Variants in KCNN3 observed in about 807,000 individuals in gnomAD.
The protein encoded by KCNN3 is potassium calcium-activated channel subfamily N member 3.
Under a neutral mutation model 62.9 loss-of-function variants are expected in KCNN3, and 16 were observed. The observed-to-expected ratio is 0.25, with a 90% CI of 0.17 to 0.39. KCNN3 has a LOEUF of 0.39. KCNN3 is among the 10% of genes least tolerant of loss of function. The pLI, the probability that KCNN3 is intolerant of heterozygous loss-of-function variation, is 1.00. For synonymous variants in KCNN3, 370 were observed against 389.2 expected, an observed-to-expected ratio of 0.95 and a Z score of 0.58; for missense variants, 599 against 949.4, an observed-to-expected ratio of 0.63 and a Z score of 4.85.
chr1:154,788,600 C>T (rs1426327427), intron 2 of KCNN3, among the ~76,000 whole-genome samples: 1 of 152,076 alleles, frequency 6.6e-6, no homozygotes, highest in Non-Finnish European at 1.5e-5. Flanking sequence ...TGAAGATTAC[C>T]ATAGTCTTCC....
At chr1:154,857,103 C>G (rs992872121) in intron 1 of KCNN3, among the ~76,000 whole-genome samples, 5 of 152,334 alleles carry the variant, frequency 3.3e-5, no homozygotes, top group African/African-American at 1.2e-4. Context: ...CTATTTGGTG[C>G]TGAACCCCCA....
At chr1:154,821,215 G>A (rs369588616) in intron 2 of KCNN3, among the ~76,000 whole-genome samples, 4 of 152,136 alleles carry the variant, frequency 2.6e-5, no homozygotes, top group African/African-American at 7.2e-5. Context: ...TCTGGTCTTC[G>A]TCAATCTCTC....
intron 3 of KCNN3, among the ~76,000 whole-genome samples, chr1:154,733,925 GC>G (rs1700653460): frequency 6.6e-6 from 1 of 152,236 alleles, no homozygotes; most frequent in South Asian, 2.1e-4. Context: ...CAGGGACCCA[GC>G]CCAAGAGAGG....
intron 2 of KCNN3, among the ~76,000 whole-genome samples, chr1:154,796,145 A>C (rs1649727061): frequency 6.6e-6 from 1 of 152,218 alleles, no homozygotes; most frequent in Non-Finnish European, 1.5e-5. Context: ...GAGGTGGCGA[A>C]TACTGCAATC....
At chr1:154,807,635 T>C (rs1260842700) in intron 2 of KCNN3, among the ~76,000 whole-genome samples, 1 of 152,212 alleles carries the variant, frequency 6.6e-6, no homozygotes, top group Admixed American at 6.5e-5. Context: ...AGTGTATTTT[T>C]AGGCATAGGC....
intron 2 of KCNN3, among the ~76,000 whole-genome samples, chr1:154,777,906 T>C (rs1216652967): frequency 6.6e-6 from 1 of 152,190 alleles, no homozygotes; most frequent in African/African-American, 2.4e-5. Context: ...GAGGCATAGG[T>C]TTGCTCCTTG....
rs192743649 is a variant in KCNN3, at chr1:154,757,848, G to A, written c.1448+14127C>T. Among the ~76,000 whole-genome samples the A allele has an allele frequency of 3.5e-3, 529 of 152,254 alleles. 1 individual carries two copies. Among genetic ancestry groups the A allele is most frequent in the Middle Eastern group, 0.01 (3 of 294 alleles). ...ATTCAACCTGACTTTGGATACTCAA[G>A]GGACCTTCAGTAGAAAAAGAAATAC... is the stretch of plus-strand genomic sequence containing the variant. On this transcript the variant is annotated intron_variant, in intron 3 of 7. Transcript: ENST00000271915.
At chr1:154,819,400 G>A (rs550021124) in intron 2 of KCNN3, among the ~76,000 whole-genome samples, 68 of 152,296 alleles carry the variant, frequency 4.5e-4, no homozygotes, top group African/African-American at 1.3e-3. Flanking sequence ...ATACTCTGCC[G>A]AGAAGAGTAT....
chr1:154,813,158 C>T (rs1168790365), intron 2 of KCNN3, among the ~76,000 whole-genome samples: 1 of 150,492 alleles, frequency 6.6e-6, no homozygotes, highest in Non-Finnish European at 1.5e-5. Flanking sequence ...GTAGAATGGG[C>T]AGAGGGTTGC....
chr1:154,754,348 G>A (rs1647529387), intron 3 of KCNN3, among the ~76,000 whole-genome samples: 1 of 152,064 alleles, frequency 6.6e-6, no homozygotes, highest in Non-Finnish European at 1.5e-5. Flanking sequence ...CCTAAATAGA[G>A]GGCTGGAAAT....
chr1:154,790,909 A>T (rs1649486507), intron 2 of KCNN3, among the ~76,000 whole-genome samples: 1 of 152,212 alleles, frequency 6.6e-6, no homozygotes. Context: ...AGTAAACATA[A>T]CATCACTGAA....
Position 154,869,810 on chromosome 1 carries a change from T to C in KCNN3, c.155A>G (p.Gln52Arg), listed in dbSNP as rs1166623724. 4.6e-6 allele frequency: 7 copies of C among 1,519,938 alleles called. No homozygotes were observed. Among genetic ancestry groups the C allele is most frequent in the Non-Finnish European group, 6.2e-6 (7 of 1,127,260 alleles). The allele number at this position is 1,519,938 out of a possible 1,614,324, so 94.2% of individuals were successfully genotyped here. ...CTGCAGCGAGGGTCCCAGGGGCTGCTGGGGGGCTGCTGGTGGCGCTGGCGG... is the reference window on the plus strand; with the variant it reads ...CTGCAGCGAGGGTCCCAGGGGCTGCCGGGGGGCTGCTGGTGGCGCTGGCGG... ...PPPPAPPAAP[Q>R]QPLGPSLQPQ... The change falls in exon 1 of 8, where the codon CAG becomes CGG. Residue 52 changes from glutamine to arginine, a missense_variant. Physicochemically the swap from Gln to Arg is conservative, Grantham distance 43. Around this residue, in one of 7 missense-constraint regions of KCNN3, gnomAD observed 59 missense variants for 62.4 expected, o/e 0.95. Coordinates refer to ENST00000271915, the MANE Select transcript of KCNN3 (RefSeq NM_002249.6). This position sits in a 1 kb window ranked among gnomAD's most constrained non-coding sequence, Gnocchi z 6.1.
At chr1:154,866,214 C>T (rs922625747) in intron 1 of KCNN3, among the ~76,000 whole-genome samples, 16 of 152,312 alleles carry the variant, frequency 1.1e-4, no homozygotes, top group Middle Eastern at 3.4e-3. Context: ...TACAACTTCT[C>T]ACTCCGTTGA....
chr1:154,732,882 G>A, intron 4 of KCNN3, 121 bp downstream of exon 4: 1 of 970,600 alleles, frequency 1.0e-6, no homozygotes, highest in South Asian at 1.3e-5. Context: ...ACACATGCAG[G>A]TCGGTTAACT....
chr1:154,803,120 C>G (rs1033190091), intron 2 of KCNN3, among the ~76,000 whole-genome samples: 1 of 152,182 alleles, frequency 6.6e-6, no homozygotes, highest in Non-Finnish European at 1.5e-5. Context: ...TGTGGCCAGG[C>G]TTTGTGAAGT....
intron 2 of KCNN3, among the ~76,000 whole-genome samples, chr1:154,817,215 T>C (rs1343270451): frequency 6.6e-6 from 1 of 152,204 alleles, no homozygotes; most frequent in Non-Finnish European, 1.5e-5. Context: ...CATATCCAGT[T>C]TCTCAGAAAG....
At chr1:154,717,480 GT>G (rs1319100168) in intron 5 of KCNN3, among the ~76,000 whole-genome samples, 1 of 152,132 alleles carries the variant, frequency 6.6e-6, no homozygotes, top group Non-Finnish European at 1.5e-5. Flanking sequence ...AGGTTTTCAT[GT>G]GGACTGAAGG....
At chr1:154,868,392 T>C (rs1414704231) in intron 1 of KCNN3, 22 of 987,696 alleles carry the variant, frequency 2.2e-5, no homozygotes, top group Non-Finnish European at 2.5e-5. Flanking sequence ...ACCCAGGTCA[T>C]GGATGGTTTT....
At chr1:154,770,954 G>A (rs1322128983) in intron 3 of KCNN3, among the ~76,000 whole-genome samples, 2 of 152,032 alleles carry the variant, frequency 1.3e-5, no homozygotes, top group African/African-American at 4.8e-5. Context: ...CTACATGGGA[G>A]GCTGAGGCAG....
Sources: gnomAD v4.1 joint callset for allele counts (sites outside exome capture counted in the v4.1 genomes callset) on GRCh38, gnomAD v4.1.1 for gene constraint, gnomAD v4.1.1 regional missense constraint, Gnocchi (gnomAD v3.1) non-coding constraint, MANE v1.5 for transcripts, NCBI Gene and HGNC (gene_info 2026-07-23, HGNC 2026-07-21) for gene names.